SPRR2F: variants seen among roughly 807,000 people sequenced by gnomAD.
SPRR2F encodes small proline rich protein 2F, also known as small proline-rich protein 2F.
SPRR2F carries 2 observed loss-of-function variants against 0.8 expected under a neutral mutation model. The ratio of observed to expected loss-of-function variants is 2.52; its 90% CI spans 1.03 to 7.95. The LOEUF (loss-of-function observed/expected upper bound fraction) is 7.95, where lower values mean the gene tolerates loss of function less well. SPRR2F is among the 30% of genes most tolerant of loss of function. The probability of loss-of-function intolerance (pLI) is 0.04; values close to 1 mark genes in which losing one functional copy is unlikely to be tolerated. For missense variants in SPRR2F, 80 were observed against 85.8 expected (o/e 0.93, Z 0.27); for synonymous variants, 39 against 33.4 (o/e 1.17, Z -0.58).
rs750261157 is a variant in SPRR2F at position 153,112,659 on chromosome 1, C to T, written c.75G>A (p.Glu25=). The change falls in exon 2 of 2, where the codon GAG becomes GAA. Residue 25 remains glutamate, a synonymous_variant. Transcript: ENST00000468739. The part of the protein sequence containing the change: ...PPVCPAPKCP[E]PCPPPKCPEP... Reference sequence around the variant, plus strand: ...CAGGGCACTTCGGGGGTGGACATGGCTCTGGGCACTTTGGCGCGGGGCACA... The same window carrying T: ...CAGGGCACTTCGGGGGTGGACATGGTTCTGGGCACTTTGGCGCGGGGCACA... 16 of 1,612,434 alleles carry T rather than the reference C, an allele frequency of 9.9e-6. No individual in the cohort carries two copies. Among genetic ancestry groups the T allele is most frequent in the Non-Finnish European group, 1.4e-5 (16 of 1,179,816 alleles).
At chr1:153,116,253 A>G (rs1343866345), upstream of SPRR2F, among the ~76,000 whole-genome samples, 1 of 152,214 alleles carries the variant, frequency 6.6e-6, no homozygotes, top group African/African-American at 2.4e-5. Flanking sequence ...AGACTATTTA[A>G]TATTATTTAA....
upstream of SPRR2F, among the ~76,000 whole-genome samples, chr1:153,115,067 C>T (rs750184571): frequency 1.3e-5 from 2 of 152,130 alleles, no homozygotes; most frequent in Non-Finnish European, 1.5e-5. Flanking sequence ...TCACATCCCT[C>T]AGTTAAGCAG....
rs1655602195 is a variant in SPRR2F at position 153,112,203 on chromosome 1, C to G, written c.*312G>C. The G allele has an allele frequency of 2.3e-6, 1 of 440,642 alleles. No individual in the cohort carries two copies. Among genetic ancestry groups the G allele is most frequent in the Non-Finnish European group, 3.9e-6 (1 of 253,778 alleles). 27.3% of individuals were successfully genotyped at this position (440,642 alleles called of 1,614,324 possible). On this transcript the variant is annotated 3_prime_UTR_variant, in exon 2 of 2. Coordinates refer to ENST00000468739, the MANE Select transcript of SPRR2F (RefSeq NM_001014450.3). ...TGGAAGCTCATGCCCAGGGGACAGA[C>G]AGACACAGAAAACATCAACAGAATT... is the stretch of plus-strand genomic sequence containing the variant.
Position 153,112,392 on chromosome 1 carries a change from T to C in SPRR2F, c.*123A>G. On this transcript the variant is annotated 3_prime_UTR_variant, in exon 2 of 2. Transcript: ENST00000468739. ...AGATCATCACAGGCCGATCACAGGC[T>C]AAGAGGAAAGAAGCTCCCTGTGTAT... The C allele has an allele frequency of 1.3e-6, 2 of 1,489,670 alleles. No homozygotes were observed. The highest frequency in any genetic ancestry group is 9.0e-7 in the Non-Finnish European group (1 of 1,109,178). The allele number at this position is 1,489,670 out of a possible 1,614,324, so 92.3% of individuals were successfully genotyped here. A position where few individuals can be genotyped will look rare whatever the true frequency, so the allele number is the denominator to read the frequency against.
chr1:153,117,956 T>C (rs551240666), upstream of SPRR2F, among the ~76,000 whole-genome samples: 1 of 152,072 alleles, frequency 6.6e-6, no homozygotes, highest in Admixed American at 6.5e-5. Flanking sequence ...TAAAGAGAAG[T>C]TAAATAAAAT....
At chr1:153,113,135 G>C (rs367786696) in intron 1 of SPRR2F, among the ~76,000 whole-genome samples, 1 of 152,150 alleles carries the variant, frequency 6.6e-6, no homozygotes, top group African/African-American at 2.4e-5. Context: ...CACAGAAAAC[G>C]ACTGTTTGGG....
Position 153,112,315 on chromosome 1 carries a change from A to T in SPRR2F, c.*200T>A. ...CCAGGACTTCCTTTGCTCAGTCTCC[A>T]CCTGGACAGTGGCAGTATGGCAGCC... On this transcript the variant is annotated 3_prime_UTR_variant, in exon 2 of 2. Transcript: ENST00000468739. 1 of 1,024,630 alleles carries T rather than the reference A, an allele frequency of 9.8e-7. No homozygotes were observed. Among genetic ancestry groups the T allele is most frequent in the Non-Finnish European group, 1.4e-6 (1 of 716,280 alleles). The allele number at this position is 1,024,630 out of a possible 1,614,324, so 63.5% of individuals were successfully genotyped here.
chr1:153,117,471 C>T (rs1571010993), upstream of SPRR2F, among the ~76,000 whole-genome samples: 1 of 152,030 alleles, frequency 6.6e-6, no homozygotes, highest in East Asian at 1.9e-4. Context: ...TTTACTATTA[C>T]TATGATTAGC....
In SPRR2F at chr1:153,112,200, A is replaced by G. The variant is rs1260848121; in HGVS notation, c.*315T>C. 3 of 432,046 alleles carry G rather than the reference A, an allele frequency of 6.9e-6. No individual in the cohort carries two copies. The highest frequency in any genetic ancestry group is 3.9e-5 in the Admixed American group (1 of 25,708). 26.8% of individuals were successfully genotyped at this position (432,046 alleles called of 1,614,324 possible). On this transcript the variant is annotated 3_prime_UTR_variant, in exon 2 of 2. Transcript: ENST00000468739. ...TGGTGGAAGCTCATGCCCAGGGGACAGACAGACACAGAAAACATCAACAGA... is the reference window on the plus strand; with the variant it reads ...TGGTGGAAGCTCATGCCCAGGGGACGGACAGACACAGAAAACATCAACAGA...
upstream of SPRR2F, among the ~76,000 whole-genome samples, chr1:153,113,959 G>C (rs943735294): frequency 6.8e-6 from 1 of 146,672 alleles, no homozygotes; most frequent in Admixed American, 6.8e-5. Context: ...AAAGGAAGGA[G>C]AGACCTAACA....
At chr1:153,117,151 G>A (rs1655735787), upstream of SPRR2F, among the ~76,000 whole-genome samples, 1 of 151,946 alleles carries the variant, frequency 6.6e-6, no homozygotes, top group African/African-American at 2.4e-5. Flanking sequence ...GAAGATTTTA[G>A]GGGGAAGCAA....
chr1:153,113,874 T>C (rs1655658340), upstream of SPRR2F, among the ~76,000 whole-genome samples: 1 of 152,036 alleles, frequency 6.6e-6, no homozygotes, highest in South Asian at 2.1e-4. Flanking sequence ...CCTGATCCAC[T>C]TTACTGAATG....
At chr1:153,113,242 T>C (rs1246699631) in intron 1 of SPRR2F, among the ~76,000 whole-genome samples, 2 of 152,210 alleles carry the variant, frequency 1.3e-5, no homozygotes, top group African/African-American at 2.4e-5. Flanking sequence ...TATTTTTTCT[T>C]CTTCAAATCA....
upstream of SPRR2F, among the ~76,000 whole-genome samples, chr1:153,115,779 A>G (rs1571010294): frequency 6.6e-6 from 1 of 152,056 alleles, no homozygotes. Context: ...CTACCTTTCT[A>G]TTATCTCTCC....
Position 153,112,439 on chromosome 1 carries a change from A to C in SPRR2F, c.*76T>G. 6.5e-7 allele frequency: 1 copy of C among 1,549,824 alleles called. No individual in the cohort carries two copies. Among genetic ancestry groups the C allele is most frequent in the South Asian group, 1.3e-5 (1 of 79,624 alleles). The stretch of plus-strand genomic sequence containing the variant: ...GTATCCCTGGATGGCTTTGATGAGA[A>C]GATGCAGGTGGAGCTGTGGAACGAG... On this transcript the variant is annotated 3_prime_UTR_variant, in exon 2 of 2. Transcript: ENST00000468739.
upstream of SPRR2F, among the ~76,000 whole-genome samples, chr1:153,118,476 G>A (rs910173517): frequency 6.6e-6 from 1 of 152,068 alleles, no homozygotes; most frequent in African/African-American, 2.4e-5. Flanking sequence ...AGAGATAAGT[G>A]AATCTTCATA....
upstream of SPRR2F, among the ~76,000 whole-genome samples, chr1:153,117,758 T>G (rs998730459): frequency 3.9e-5 from 6 of 152,096 alleles, no homozygotes; most frequent in African/African-American, 1.4e-4. Context: ...AGAATAAATC[T>G]GACACTTCTC....
chr1:153,113,599 C>T (rs1394012931), upstream of SPRR2F: 2 of 152,158 alleles, frequency 1.3e-5, no homozygotes, highest in Non-Finnish European at 2.9e-5. Flanking sequence ...TACACTTATC[C>T]AGTAATTTCT....
chr1:153,117,505 C>A (rs1219139773), upstream of SPRR2F, among the ~76,000 whole-genome samples: 1 of 151,934 alleles, frequency 6.6e-6, no homozygotes, highest in Non-Finnish European at 1.5e-5. Context: ...AAAAAATTCT[C>A]TCACTTAAAT....
Sources: allele counts gnomAD v4.1 joint callset (sites outside exome capture counted in the v4.1 genomes callset), GRCh38; gene constraint gnomAD v4.1.1; transcripts MANE v1.5; gene names NCBI Gene and HGNC (gene_info 2026-07-23, HGNC 2026-07-21).